Variants in MGAT4C observed in about 807,000 individuals in gnomAD.
MGAT4C encodes the protein alpha-1,3-mannosyl-glycoprotein 4-beta-N-acetylglucosaminyltransferase C.
MGAT4C carries 19 observed loss-of-function variants against 40.1 expected under a neutral mutation model. The observed-to-expected ratio is 0.47, with a 90% confidence interval of 0.33 to 0.70. The LOEUF (loss-of-function observed/expected upper bound fraction) is 0.70. MGAT4C is among the 30% of genes least tolerant of loss of function. The pLI is 0.02. For synonymous variants in MGAT4C, 181 were observed against 187.1 expected (o/e 0.97, Z 0.27); for missense variants, 491 against 563.2 (o/e 0.87, Z 1.30).
intron 4 of MGAT4C, among the ~76,000 whole-genome samples, chr12:86,308,543 T>C (rs1213006626): frequency 6.6e-6 from 1 of 150,660 alleles, no homozygotes; most frequent in African/African-American, 2.5e-5. Flanking sequence ...AGGCATTTAT[T>C]TGATTGTTTG....
At chr12:86,716,013 T>A (rs974829476) in intron 2 of MGAT4C, among the ~76,000 whole-genome samples, 12 of 152,160 alleles carry the variant, frequency 7.9e-5, no homozygotes, top group African/African-American at 2.9e-4. Context: ...CTGAGATTAG[T>A]TAATCTACTC....
intron 4 of MGAT4C, among the ~76,000 whole-genome samples, chr12:86,328,392 T>C (rs564548915): frequency 2.6e-5 from 4 of 152,270 alleles, no homozygotes; most frequent in Non-Finnish European, 5.9e-5. Context: ...GATTATCAGA[T>C]AACACTAGTA....
At chr12:86,113,482 G>A (rs536814800) in intron 1 of MGAT4C, among the ~76,000 whole-genome samples, 1 of 151,508 alleles carries the variant, frequency 6.6e-6, no homozygotes, top group African/African-American at 2.4e-5. Flanking sequence ...AACTCTTTAG[G>A]TAAGATAGAA....
intron 1 of MGAT4C, among the ~76,000 whole-genome samples, chr12:86,836,608 T>C (rs1423820599): frequency 2.0e-5 from 3 of 152,040 alleles, no homozygotes; most frequent in Non-Finnish European, 2.9e-5. Flanking sequence ...ATGAATCCTA[T>C]GGGGAGGCAA....
intron 2 of MGAT4C, among the ~76,000 whole-genome samples, chr12:86,564,931 A>G (rs1408793189): frequency 6.6e-6 from 1 of 152,184 alleles, no homozygotes; most frequent in Non-Finnish European, 1.5e-5. Flanking sequence ...TGTCAGGGGC[A>G]GAGAGGGATG....
rs537811129 is a variant in MGAT4C, at chr12:86,484,021, A to G, written c.-228-48756T>C. Among the ~76,000 whole-genome samples the G allele has an allele frequency of 3.9e-4, 60 of 152,030 alleles. 1 individual carries two copies. The South Asian group carries it at 0.01, about 26-fold the overall frequency. On this transcript the variant is annotated intron_variant, in intron 2 of 7. Coordinates refer to the MGAT4C transcript ENST00000548651. ...TGCAGGGTTGCTGAATGCCAGGGCT[A>G]ATTTCCAGTCCAGATCAGCTTCTAG...
At chr12:86,058,997 C>T (rs998669780) in intron 1 of MGAT4C, among the ~76,000 whole-genome samples, 1 of 152,088 alleles carries the variant, frequency 6.6e-6, no homozygotes, top group African/African-American at 2.4e-5. Flanking sequence ...TCATATGCCA[C>T]AACACTCCAT....
intron 2 of MGAT4C, among the ~76,000 whole-genome samples, chr12:86,616,227 A>G (rs1431813271): frequency 6.6e-6 from 1 of 152,064 alleles, no homozygotes; most frequent in Non-Finnish European, 1.5e-5. Flanking sequence ...TTCTACATGT[A>G]GTTATAAAAC....
Position 86,770,196 on chromosome 12 carries a change from C to A in MGAT4C, c.-261-42955G>T, listed in dbSNP as rs181125989. 6.3e-3 allele frequency among the ~76,000 whole-genome samples: 953 copies of A among 151,888 alleles called. 5 individuals are homozygous for A. Among genetic ancestry groups the A allele is most frequent in the Non-Finnish European group, 8.8e-3 (596 of 67,926 alleles). On this transcript the variant is annotated intron_variant, in intron 1 of 7. Coordinates refer to the MGAT4C transcript ENST00000548651. ...TCTATGAACAATTAGGTGGAAAAAG[C>A]AGTTTTAATATAAATATCCATTTAT...
At chr12:86,697,605 C>T (rs1593125672) in intron 2 of MGAT4C, among the ~76,000 whole-genome samples, 1 of 151,972 alleles carries the variant, frequency 6.6e-6, no homozygotes, top group East Asian at 1.9e-4. Context: ...AGATGTTTTT[C>T]TTTGGAGGAA....
At chr12:86,785,402 T>G (rs1397738378) in intron 1 of MGAT4C, among the ~76,000 whole-genome samples, 1 of 152,008 alleles carries the variant, frequency 6.6e-6, no homozygotes, top group Non-Finnish European at 1.5e-5. Flanking sequence ...GCACAACTAT[T>G]TAGTAAATTC....
At chr12:86,235,528 C>A (rs2136027653) in intron 1 of MGAT4C, among the ~76,000 whole-genome samples, 2 of 152,100 alleles carry the variant, frequency 1.3e-5, no homozygotes, top group South Asian at 4.2e-4. Context: ...CAGCCTCTGT[C>A]ACTTAACTCA....
At chr12:86,439,066 G>A (rs971817970) in intron 2 of MGAT4C, among the ~76,000 whole-genome samples, 2 of 151,830 alleles carry the variant, frequency 1.3e-5, no homozygotes, top group African/African-American at 2.4e-5. Flanking sequence ...TAGACAGATC[G>A]TTGAGGCAGA....
At position 85,973,496 on chromosome 12, in the gene MGAT4C, A is replaced by T. The variant is rs1883735860; in HGVS notation, c.*5793T>A. 6.6e-6 allele frequency: 1 copy of T among 150,772 alleles called. No homozygotes were observed. The highest frequency in any genetic ancestry group is 1.5e-5 in the Non-Finnish European group (1 of 67,068). The allele number at this position is 150,772 out of a possible 1,614,324, so 9.3% of individuals were successfully genotyped here. A position where few individuals can be genotyped will look rare whatever the true frequency, so the allele number is the denominator to read the frequency against. On this transcript the variant is annotated 3_prime_UTR_variant, in exon 5 of 5. Transcript: ENST00000611864. The stretch of plus-strand genomic sequence containing the variant: ...CTTTAAACAACTCTTAAATAAAGTA[A>T]TGATTCTCTTTATATTAAATTTAAT...
At chr12:86,583,057 G>T (rs2136436081) in intron 2 of MGAT4C, among the ~76,000 whole-genome samples, 1 of 151,236 alleles carries the variant, frequency 6.6e-6, no homozygotes, top group Non-Finnish European at 1.5e-5. Flanking sequence ...ATTGCCTCCG[G>T]CTTACACAAA....
intron 2 of MGAT4C, among the ~76,000 whole-genome samples, chr12:86,467,918 A>C (rs2136301045): frequency 6.6e-6 from 1 of 152,200 alleles, no homozygotes; most frequent in Non-Finnish European, 1.5e-5. Context: ...TTAAATGAAA[A>C]AATTAAGGGT....
At chr12:86,783,384 A>G (rs1000224082) in intron 1 of MGAT4C, among the ~76,000 whole-genome samples, 1 of 152,182 alleles carries the variant, frequency 6.6e-6, no homozygotes, top group African/African-American at 2.4e-5. Flanking sequence ...CATCATTTCA[A>G]TTATCTCTCA....
chr12:86,773,072 C>T (rs1314224431), intron 1 of MGAT4C, among the ~76,000 whole-genome samples: 1 of 152,068 alleles, frequency 6.6e-6, no homozygotes, highest in Non-Finnish European at 1.5e-5. Flanking sequence ...GAATTATTTC[C>T]CCCTTCCAAT....
chr12:86,017,758 C>T (rs561236852), intron 2 of MGAT4C, among the ~76,000 whole-genome samples: 101 of 152,136 alleles, frequency 6.6e-4, no homozygotes, highest in Non-Finnish European at 1.3e-3. Context: ...ATCTTCACTG[C>T]CTTGTACATA....
Sources: gnomAD v4.1 joint callset for allele counts (sites outside exome capture counted in the v4.1 genomes callset) on GRCh38, gnomAD v4.1.1 for gene constraint, MANE v1.5 for transcripts, NCBI Gene and HGNC (gene_info 2026-07-23, HGNC 2026-07-21) for gene names.